Variants in ZNF415 observed in about 807,000 individuals in gnomAD.
ZNF415 encodes the protein zinc finger protein 415.
A neutral mutation model predicts 7.3 loss-of-function variants in ZNF415; 5 were observed. The ratio of observed to expected loss-of-function variants is 0.69; its 90% CI spans 0.36 to 1.44. The LOEUF (loss-of-function observed/expected upper bound fraction) is 1.44. ZNF415 is among the 40% of genes most tolerant of loss of function. ZNF415 has a pLI of 0.04. For synonymous variants in ZNF415, 207 were observed against 226.3 expected, an observed-to-expected ratio of 0.91 and a Z score of 0.77; for missense variants, 628 against 664.8, an observed-to-expected ratio of 0.94 and a Z score of 0.61.
At chr19:53,130,354 A>G (rs562308993) in intron 1 of ZNF415, among the ~76,000 whole-genome samples, 32 of 152,330 alleles carry the variant, frequency 2.1e-4, no homozygotes, top group African/African-American at 6.7e-4. Flanking sequence ...TAAAGAGCAG[A>G]AAGCATGCAG....
Position 53,109,917 on chromosome 19 carries a change from A to G in ZNF415, c.137-9T>C. The G allele has an allele frequency of 1.3e-6, 2 of 1,547,232 alleles. No homozygotes were observed. Among genetic ancestry groups the G allele is most frequent in the South Asian group, 2.5e-5 (2 of 79,440 alleles). ...ACAGTTACGAGACAGATCTATAAGA[A>G]ATGAAAACCATAGGTTTCCAATTAA... is the stretch of plus-strand genomic sequence containing the variant. On this transcript the variant is annotated splice_polypyrimidine_tract_variant and intron_variant, in intron 3 of 3. Transcript: ENST00000243643.
intron 1 of ZNF415, among the ~76,000 whole-genome samples, chr19:53,127,510 T>C (rs2089352612): frequency 6.6e-6 from 1 of 152,176 alleles, no homozygotes; most frequent in South Asian, 2.1e-4. Context: ...ATGATGCACG[T>C]GCCCCAATGA....
In ZNF415 at chr19:53,127,800, C is replaced by T. The variant is rs1027439470; in HGVS notation, c.-68+5056G>A. Among the ~76,000 whole-genome samples, 4 of 150,116 alleles carry T rather than the reference C, an allele frequency of 2.7e-5. No individual in the cohort carries two copies. The Admixed American group carries it at 2.7e-4, about 10-fold the overall frequency. On this transcript the variant is annotated intron_variant, in intron 1 of 3. Transcript: ENST00000243643. ...GCTGAGGCACGCGAATCGCTTGAAC[C>T]TAGGAGGTGGAGGTTGCAGTGGGCC...
intron 1 of ZNF415, among the ~76,000 whole-genome samples, chr19:53,127,342 G>A (rs944912107): frequency 1.7e-4 from 26 of 152,200 alleles, no homozygotes; most frequent in Middle Eastern, 3.4e-3. Context: ...ATAGAAGCCC[G>A]GCTACGAAAT....
intron 2 of ZNF415, 100 bp downstream of exon 2, chr19:53,122,562 G>A: frequency 6.2e-7 from 1 of 1,605,192 alleles, no homozygotes; most frequent in South Asian, 1.1e-5. Flanking sequence ...GCGTCAGGCA[G>A]GATGCTTCAG....
At chr19:53,121,781 C>G (rs887326753) in intron 2 of ZNF415, among the ~76,000 whole-genome samples, 1 of 152,122 alleles carries the variant, frequency 6.6e-6, no homozygotes, top group African/African-American at 2.4e-5. Flanking sequence ...ATAAAACGCC[C>G]TCTAGTACTG....
chr19:53,125,084 A>C (rs2088816445), intron 1 of ZNF415, among the ~76,000 whole-genome samples: 1 of 151,794 alleles, frequency 6.6e-6, no homozygotes, highest in Non-Finnish European at 1.5e-5. Context: ...TCACTCTGTC[A>C]CCAGGTTGGA....
intron 1 of ZNF415, among the ~76,000 whole-genome samples, chr19:53,124,771 C>T (rs569661432): frequency 1.4e-4 from 21 of 151,716 alleles, no homozygotes; most frequent in South Asian, 2.1e-4. Flanking sequence ...AGGGACTCAA[C>T]GGTGAAAAAA....
rs561322123 is a variant in ZNF415, at chr19:53,110,372, A to G, written c.137-464T>C. Among the ~76,000 whole-genome samples, 7 of 152,352 alleles carry G rather than the reference A, an allele frequency of 4.6e-5. No homozygotes were observed. The East Asian group carries it at 1.3e-3, about 29-fold the overall frequency. On this transcript the variant is annotated intron_variant, in intron 3 of 3. Coordinates refer to ENST00000243643, the MANE Select transcript of ZNF415 (RefSeq NM_018355.4). ...ACAACAAACTTACGGAATAAGTAAG[A>G]TACATAAATGATAATTCTGAATTGC...
chr19:53,127,373 T>C (rs1236527346), intron 1 of ZNF415, among the ~76,000 whole-genome samples: 1 of 152,170 alleles, frequency 6.6e-6, no homozygotes, highest in African/African-American at 2.4e-5. Flanking sequence ...CCAGTAACAA[T>C]GAAATAATAC....
chr19:53,109,877 T>C lies in ZNF415; in HGVS notation c.168A>G (p.Leu56=), dbSNP rs1377473511. ...CTGGGTTACCTTCCTGTTGTGGTGC[T>C]AGTTCCTTGATTACACAGTTACGAG... ...DLSRNCVIKE[L]APQQEGNPGE... The change falls in exon 4 of 4, where the codon CTA becomes CTG. Residue 56 remains leucine (L), a synonymous_variant. Transcript: ENST00000243643. The C allele has an allele frequency of 8.7e-6, 14 of 1,600,256 alleles. No homozygotes were observed. The highest frequency in any genetic ancestry group is 1.2e-5 in the Non-Finnish European group (14 of 1,175,722).
At position 53,113,506 on chromosome 19, in the gene ZNF415, CAAAAAAAAAAAAA is replaced by C. The variant is rs1176054018; in HGVS notation, c.136+2794_136+2806del. On this transcript the variant is annotated intron_variant, in intron 3 of 3. Transcript: ENST00000243643. ...TGGGCGACAGAGCGAAACTCCGTCT[CAAAAAAAAAAAAA>C]AAAAAAAAAAAAAAACCGAGGCATT... is the stretch of plus-strand genomic sequence containing the variant. 3.2e-5 allele frequency among the ~76,000 whole-genome samples: 2 copies of C among 62,146 alleles called. 1 individual carries two copies. Among genetic ancestry groups the C allele is most frequent in the Non-Finnish European group, 7.1e-5 (2 of 28,006 alleles). The allele number at this position is 62,146 out of a possible 152,430, so 40.8% of individuals were successfully genotyped here.
At position 53,108,008 on chromosome 19, in the gene ZNF415, A is replaced by G; in HGVS notation, c.*369T>C. The G allele has an allele frequency of 4.8e-6, 1 of 209,698 alleles. No homozygotes were observed. Among genetic ancestry groups the G allele is most frequent in the South Asian group, 1.0e-4 (1 of 9,604 alleles). The allele number at this position is 209,698 out of a possible 1,614,324, so 13.0% of individuals were successfully genotyped here. On this transcript the variant is annotated 3_prime_UTR_variant, in exon 4 of 4. Coordinates refer to ENST00000243643, the MANE Select transcript of ZNF415 (RefSeq NM_018355.4). ...GCACAACTAGACTGAATTATTCCTC[A>G]CATAAATCCTTGGATGTGTTACAGT...
At position 53,108,143 on chromosome 19, in the gene ZNF415, G is replaced by C; in HGVS notation, c.*234C>G. 1 of 527,592 alleles carries C rather than the reference G, an allele frequency of 1.9e-6. No homozygotes were observed. 32.7% of individuals were successfully genotyped at this position (527,592 alleles called of 1,614,324 possible). On this transcript the variant is annotated 3_prime_UTR_variant, in exon 4 of 4. Transcript: ENST00000243643. ...AAATGAAGCCTCTGCCACACAGTTA[G>C]GTGTATATGATTTCTCTTTAGCATG...
At chr19:53,121,655 T>C (rs1055825736) in intron 2 of ZNF415, among the ~76,000 whole-genome samples, 16 of 151,848 alleles carry the variant, frequency 1.1e-4, no homozygotes, top group Non-Finnish European at 1.6e-4. Context: ...ACTCCTGACC[T>C]ACAATGATCC....
intron 3 of ZNF415, chr19:53,115,937 T>G: frequency 1.3e-6 from 1 of 757,120 alleles, no homozygotes; most frequent in Non-Finnish European, 2.2e-6. Context: ...AGGAAAATAT[T>G]TCACAAATTA....
rs149842995 is a variant in ZNF415 at position 53,117,907 on chromosome 19, T to C, written c.16-1474A>G. On this transcript the variant is annotated intron_variant, in intron 2 of 3. Transcript: ENST00000243643. ...AAACAATTAGAGAAAGGAGCAAACATACAAAACAACCAGAAATCAATTAAT... is the reference window on the plus strand; with the variant it reads ...AAACAATTAGAGAAAGGAGCAAACACACAAAACAACCAGAAATCAATTAAT... 1.2e-3 allele frequency among the ~76,000 whole-genome samples: 176 copies of C among 152,154 alleles called. 1 individual carries two copies. The highest frequency in any genetic ancestry group is 9.6e-3 in the Admixed American group (147 of 15,272).
Position 53,108,346 on chromosome 19 carries a change from G to T in ZNF415, c.*31C>A, listed in dbSNP as rs751028097. 7 of 1,556,242 alleles carry T rather than the reference G, an allele frequency of 4.5e-6. No homozygotes were observed. In the African/African-American group the frequency reaches 8.2e-5, roughly 18 times the overall value. On this transcript the variant is annotated 3_prime_UTR_variant, in exon 4 of 4. Coordinates refer to ENST00000243643, the MANE Select transcript of ZNF415 (RefSeq NM_018355.4). ...ATATAAATTCTTTGATGACTCACAGGATTTAAACTTTGACTGAAGACCTTG... is the reference window on the plus strand; with the variant it reads ...ATATAAATTCTTTGATGACTCACAGTATTTAAACTTTGACTGAAGACCTTG...
intron 2 of ZNF415, among the ~76,000 whole-genome samples, chr19:53,121,901 T>C (rs1023039537): frequency 6.6e-6 from 1 of 151,958 alleles, no homozygotes; most frequent in Non-Finnish European, 1.5e-5. Context: ...ACAAAATATA[T>C]CCCCTTATTG....
Sources: allele counts gnomAD v4.1 joint callset (sites outside exome capture counted in the v4.1 genomes callset), GRCh38; gene constraint gnomAD v4.1.1; transcripts MANE v1.5; gene names NCBI Gene and HGNC (gene_info 2026-07-23, HGNC 2026-07-21).